EPHA5: variants seen among roughly 807,000 people sequenced by gnomAD.
EPHA5 encodes the protein ephrin type-A receptor 5.
In EPHA5, 60 loss-of-function variants were observed where a neutral mutation model predicts 105.0. The ratio of observed to expected loss-of-function variants is 0.57; its 90% confidence interval spans 0.46 to 0.71. The LOEUF (loss-of-function observed/expected upper bound fraction) is 0.71, where lower values mean the gene tolerates loss of function less well. Ranked by LOEUF, EPHA5 falls within the 30% of genes least tolerant of loss-of-function variation. The pLI, the probability that EPHA5 is intolerant of heterozygous loss-of-function variation, is 0.00. For missense variants in EPHA5, 1,218 were observed against 1,274.7 expected, an observed-to-expected ratio of 0.96 and a Z score of 0.68; for synonymous variants, 513 against 449.1, an observed-to-expected ratio of 1.14 and a Z score of -1.80.
intron 5 of EPHA5, among the ~76,000 whole-genome samples, chr4:65,433,065 C>T (rs569616878): frequency 1.3e-5 from 2 of 152,112 alleles, no homozygotes; most frequent in South Asian, 4.1e-4. Context: ...AAAACACTCG[C>T]TAATGCAAAA....
chr4:65,384,239 G>C (rs1474699056), intron 8 of EPHA5, among the ~76,000 whole-genome samples: 1 of 151,784 alleles, frequency 6.6e-6, no homozygotes, highest in African/African-American at 2.4e-5. Flanking sequence ...TCACCCTCAA[G>C]GTGTAGTTCA....
At chr4:65,357,078 G>A (rs1723369836) in intron 11 of EPHA5, among the ~76,000 whole-genome samples, 2 of 151,486 alleles carry the variant, frequency 1.3e-5, no homozygotes, top group African/African-American at 4.8e-5. Context: ...GCCCAGCCCA[G>A]GGAGAAGTAA....
At chr4:65,340,327 T>C (rs1721592131) in intron 14 of EPHA5, among the ~76,000 whole-genome samples, 1 of 152,106 alleles carries the variant, frequency 6.6e-6, no homozygotes, top group African/African-American at 2.4e-5. Context: ...CCATTCCCAG[T>C]GACTCTTGCC....
intron 3 of EPHA5, among the ~76,000 whole-genome samples, chr4:65,556,152 A>G (rs1738417596): frequency 6.6e-6 from 1 of 152,176 alleles, no homozygotes; most frequent in African/African-American, 2.4e-5. Context: ...ACATCTTTCT[A>G]CTGACACACC....
At chr4:65,326,383 T>G (rs776189612) in intron 16 of EPHA5, among the ~76,000 whole-genome samples, 7 of 151,288 alleles carry the variant, frequency 4.6e-5, no homozygotes, top group Non-Finnish European at 1.0e-4. Context: ...TGCAGTAATT[T>G]ATTCATCTAT....
chr4:65,339,254 G>A (rs895598906), intron 14 of EPHA5, among the ~76,000 whole-genome samples: 1 of 152,054 alleles, frequency 6.6e-6, no homozygotes, highest in African/African-American at 2.4e-5. Context: ...GTATATACCT[G>A]TTGTGGGTAT....
At chr4:65,428,492 A>G (rs923448372) in intron 5 of EPHA5, among the ~76,000 whole-genome samples, 4 of 152,094 alleles carry the variant, frequency 2.6e-5, no homozygotes, top group Non-Finnish European at 5.9e-5. Context: ...CTGCTCACTC[A>G]GACAAAAACC....
chr4:65,365,854 G>A lies in EPHA5; in HGVS notation c.1987+78C>T, dbSNP rs1717856018. ...TTAGAAAAGATTAAAAACATTCTCT[G>A]TTACATCAGGACACTGGTATATTAC... On this transcript the variant is annotated intron_variant, in intron 10 of 16. Coordinates refer to ENST00000613740, the MANE Select transcript of EPHA5 (RefSeq NM_001281766.3). 5 of 1,396,714 alleles carry A rather than the reference G, an allele frequency of 3.6e-6. No individual in the cohort carries two copies. The South Asian group carries it at 7.5e-5, about 21-fold the overall frequency. The allele number at this position is 1,396,714 out of a possible 1,614,324, so 86.5% of individuals were successfully genotyped here. A position where few individuals can be genotyped will look rare whatever the true frequency, so the allele number is the denominator to read the frequency against.
chr4:65,615,267 A>G (rs1745129637), intron 2 of EPHA5, among the ~76,000 whole-genome samples: 1 of 136,438 alleles, frequency 7.3e-6, no homozygotes, highest in East Asian at 2.1e-4. Flanking sequence ...GTATTTTACA[A>G]ATTTGATTTA....
chr4:65,567,671 T>C (rs1273968781), intron 3 of EPHA5, among the ~76,000 whole-genome samples: 2 of 151,632 alleles, frequency 1.3e-5, no homozygotes, highest in Non-Finnish European at 3.0e-5. Flanking sequence ...TAAAAGCATA[T>C]TTTGCAAAGA....
At chr4:65,618,459 A>C (rs1745433635) in intron 2 of EPHA5, among the ~76,000 whole-genome samples, 1 of 152,206 alleles carries the variant, frequency 6.6e-6, no homozygotes. Context: ...TTTCTGCTTT[A>C]ATTGAAAATA....
In EPHA5 at chr4:65,320,279, A is replaced by G. The variant is rs945014040; in HGVS notation, c.*3835T>C. 4.3e-6 allele frequency: 1 copy of G among 230,366 alleles called. No individual in the cohort carries two copies. The highest frequency in any genetic ancestry group is 8.6e-6 in the Non-Finnish European group (1 of 116,198). 14.3% of individuals were successfully genotyped at this position (230,366 alleles called of 1,614,324 possible). Reference sequence around the variant, plus strand: ...AGTTGAAAAAATGATGACTTATTTTACTTATTAATGTCAAATAAAGCTAGC... The same window carrying G: ...AGTTGAAAAAATGATGACTTATTTTGCTTATTAATGTCAAATAAAGCTAGC... On this transcript the variant is annotated 3_prime_UTR_variant, in exon 17 of 17. Coordinates refer to ENST00000613740, the MANE Select transcript of EPHA5 (RefSeq NM_001281766.3).
intron 3 of EPHA5, among the ~76,000 whole-genome samples, chr4:65,528,011 G>A (rs1000602953): frequency 2.0e-5 from 3 of 152,030 alleles, no homozygotes; most frequent in Non-Finnish European, 4.4e-5. Context: ...GAATATTTAA[G>A]AGTTTAATAT....
At chr4:65,441,769 G>A (rs559386880) in intron 5 of EPHA5, among the ~76,000 whole-genome samples, 111 of 151,942 alleles carry the variant, frequency 7.3e-4, no homozygotes, top group South Asian at 6.3e-3. Context: ...GGAAATTGAA[G>A]GTATCAGAAA....
At chr4:65,637,565 T>C (rs1747245255) in intron 2 of EPHA5, among the ~76,000 whole-genome samples, 2 of 88,538 alleles carry the variant, frequency 2.3e-5, no homozygotes, top group African/African-American at 7.7e-5. Context: ...AAATATGAGT[T>C]TTGCATATAT....
At chr4:65,365,380 AAAAT>A (rs1717772818) in intron 10 of EPHA5, among the ~76,000 whole-genome samples, 178 bp from the exon 11 acceptor site, 1 of 151,424 alleles carries the variant, frequency 6.6e-6, no homozygotes, top group African/African-American at 2.4e-5. Flanking sequence ...GATAGTAATG[AAAAT>A]AAATAGTACA....
At chr4:65,376,589 A>G (rs1349162008) in intron 8 of EPHA5, among the ~76,000 whole-genome samples, 1 of 152,012 alleles carries the variant, frequency 6.6e-6, no homozygotes, top group African/African-American at 2.4e-5. Flanking sequence ...AGAAGATCCA[A>G]GTTATATTGT....
At chr4:65,538,512 A>G (rs760355309) in intron 3 of EPHA5, among the ~76,000 whole-genome samples, 6 of 151,804 alleles carry the variant, frequency 4.0e-5, no homozygotes, top group Non-Finnish European at 4.4e-5. Context: ...ATCATCTAGA[A>G]GTCACCCCGT....
At chr4:65,536,165 T>A (rs1039639764) in intron 3 of EPHA5, among the ~76,000 whole-genome samples, 6 of 151,974 alleles carry the variant, frequency 3.9e-5, no homozygotes, top group Admixed American at 1.3e-4. Context: ...ATACTTCCTA[T>A]TACTTTGAAT....
Sources: gnomAD v4.1 joint callset for allele counts (sites outside exome capture counted in the v4.1 genomes callset) on GRCh38, gnomAD v4.1.1 for gene constraint, MANE v1.5 for transcripts, NCBI Gene and HGNC (gene_info 2026-07-23, HGNC 2026-07-21) for gene names.